The following SUPT3H variants were observed in gnomAD, a reference collection of about 807,000 sequenced individuals.
SUPT3H encodes the protein transcription initiation protein SPT3 homolog.
In SUPT3H, 44 loss-of-function variants were observed where a neutral mutation model predicts 44.3. That is an observed-to-expected ratio of 0.99 (90% CI 0.78 to 1.28). SUPT3H has a LOEUF of 1.28. SUPT3H is among the 50% of genes most tolerant of loss of function. SUPT3H has a pLI of 0.00. For missense variants in SUPT3H, 380 were observed against 387.1 expected, an observed-to-expected ratio of 0.98 and a Z score of 0.15; for synonymous variants, 124 against 125.6, an observed-to-expected ratio of 0.99 and a Z score of 0.09.
At chr6:45,124,883 T>C (rs969543993) in intron 2 of SUPT3H, among the ~76,000 whole-genome samples, 2 of 152,074 alleles carry the variant, frequency 1.3e-5, no homozygotes, top group South Asian at 2.1e-4. Flanking sequence ...TCTAGACGAA[T>C]AGGACTGGTA....
chr6:44,970,753 A>G (rs1232007512), intron 6 of SUPT3H, among the ~76,000 whole-genome samples: 3 of 152,210 alleles, frequency 2.0e-5, no homozygotes, highest in African/African-American at 4.8e-5. Flanking sequence ...ATATGGTTAA[A>G]TATTTTGGTC....
At chr6:44,878,955 C>T (rs146393553) in intron 10 of SUPT3H, among the ~76,000 whole-genome samples, 190 of 152,232 alleles carry the variant, frequency 1.2e-3, no homozygotes, top group African/African-American at 4.3e-3. Flanking sequence ...CCTTGGGTAC[C>T]TACATCACCA....
chr6:44,823,221 A>T (rs1296923100), downstream of SUPT3H, among the ~76,000 whole-genome samples: 1 of 152,192 alleles, frequency 6.6e-6, no homozygotes, highest in East Asian at 1.9e-4. Flanking sequence ...AGAAATTCTT[A>T]ATCTGGTGCA....
chr6:45,373,636 C>T (rs1050963834), intron 1 of SUPT3H, among the ~76,000 whole-genome samples: 6 of 152,028 alleles, frequency 3.9e-5, no homozygotes, highest in Admixed American at 1.3e-4. Context: ...CTGCAACCTC[C>T]GCCTCCCGGG....
chr6:45,280,720 ACTACAGAACTCCTAGTGGCTT>A (rs1223736797), intron 2 of SUPT3H, among the ~76,000 whole-genome samples: 43 of 152,336 alleles, frequency 2.8e-4, no homozygotes, highest in African/African-American at 9.6e-4. Context: ...GAGGAAACCA[ACTACAGAACTCCTAGTGGCTT>A]CACCTAGAGT....
chr6:44,870,850 C>A (rs1316025373), intron 10 of SUPT3H, among the ~76,000 whole-genome samples: 1 of 151,694 alleles, frequency 6.6e-6, no homozygotes, highest in Non-Finnish European at 1.5e-5. Context: ...CGCAAGGGGT[C>A]AGGGAGTTCC....
intron 2 of SUPT3H, among the ~76,000 whole-genome samples, chr6:45,262,952 C>A (rs910059354): frequency 1.3e-5 from 2 of 152,102 alleles, no homozygotes; most frequent in African/African-American, 4.8e-5. Context: ...CATCTCACAA[C>A]AGTCAGAATC....
intron 4 of SUPT3H, among the ~76,000 whole-genome samples, 152 bp downstream of exon 4, chr6:45,020,393 CA>C (rs1784953912): frequency 6.6e-6 from 1 of 151,920 alleles, no homozygotes; most frequent in South Asian, 2.1e-4. Flanking sequence ...CTTTTGTAAA[CA>C]CATTTTGTCG....
intron 2 of SUPT3H, among the ~76,000 whole-genome samples, chr6:45,128,557 TACACACAC>T (rs1173091186): frequency 0.032 from 1,787 of 56,630 alleles, 51 homozygotes; most frequent in African/African-American, 0.058. Context: ...TATATATATA[TACACACAC>T]ACACACACAC....
intron 10 of SUPT3H, among the ~76,000 whole-genome samples, chr6:44,891,006 C>A (rs1362503745): frequency 6.6e-6 from 1 of 151,932 alleles, no homozygotes; most frequent in East Asian, 1.9e-4. Context: ...GGAGGGGTAA[C>A]ATTAGGAGAA....
chr6:44,820,318 T>A (rs1767212580), intron 11 of SUPT3H, among the ~76,000 whole-genome samples: 2 of 152,266 alleles, frequency 1.3e-5, no homozygotes, highest in South Asian at 4.1e-4. Flanking sequence ...AATTTCTTAT[T>A]TTGTTGGAGA....
chr6:44,872,410 T>C (rs1162823764), intron 10 of SUPT3H, among the ~76,000 whole-genome samples: 2 of 124,386 alleles, frequency 1.6e-5, no homozygotes, highest in African/African-American at 3.0e-5. Flanking sequence ...ACTTCATAAG[T>C]GAAGGAGAAA....
intron 10 of SUPT3H, among the ~76,000 whole-genome samples, chr6:44,915,975 T>A (rs1767747901): frequency 6.6e-6 from 1 of 152,222 alleles, no homozygotes; most frequent in South Asian, 2.1e-4. Flanking sequence ...AATAAATCTT[T>A]TCAAATATTT....
intron 10 of SUPT3H, among the ~76,000 whole-genome samples, chr6:44,889,299 G>A (rs141098557): frequency 0.018 from 2,732 of 152,194 alleles, 41 homozygotes; most frequent in Non-Finnish European, 0.027. Context: ...AACAGAGCCC[G>A]CATCACCAAG....
chr6:45,015,003 A>C, intron 4 of SUPT3H, 112 bp from the exon 5 acceptor site: 1 of 530,448 alleles, frequency 1.9e-6, no homozygotes, highest in Non-Finnish European at 3.0e-6. Flanking sequence ...ATATCAGAGA[A>C]AGTAAAGTAA....
At position 45,003,797 on chromosome 6, in the gene SUPT3H, A is replaced by T; in HGVS notation, c.365-5T>A. The T allele has an allele frequency of 1.9e-6, 3 of 1,613,412 alleles. No homozygotes were observed. Among genetic ancestry groups the T allele is most frequent in the Non-Finnish European group, 2.5e-6 (3 of 1,179,684 alleles). ...TATTGCTGCCACTCAATTTGTCTTC[A>T]TGAAGTCAAGGGAAAGAAAAAAAGA... On this transcript the variant is annotated splice_region_variant and splice_polypyrimidine_tract_variant and intron_variant, in intron 5 of 10. Transcript: ENST00000371459.
chr6:45,103,881 A>C (rs545946621), intron 3 of SUPT3H, among the ~76,000 whole-genome samples: 17 of 152,216 alleles, frequency 1.1e-4, no homozygotes, highest in Non-Finnish European at 2.4e-4. Context: ...AATGAATAAC[A>C]GTTAACTTGT....
intron 2 of SUPT3H, among the ~76,000 whole-genome samples, chr6:45,291,565 A>AG (rs2149866722): frequency 6.6e-6 from 1 of 152,344 alleles, no homozygotes; most frequent in South Asian, 2.1e-4. Context: ...CACGAAGTGA[A>AG]GGAAGAAATA....
intron 3 of SUPT3H, among the ~76,000 whole-genome samples, chr6:45,102,722 C>T (rs975597594): frequency 1.3e-5 from 2 of 151,848 alleles, no homozygotes; most frequent in Non-Finnish European, 2.9e-5. Context: ...CGGGCAGATC[C>T]CTCAGGTCAG....
Sources: gnomAD v4.1 joint callset for allele counts (sites outside exome capture counted in the v4.1 genomes callset) on GRCh38, gnomAD v4.1.1 for gene constraint, MANE v1.5 for transcripts, NCBI Gene and HGNC (gene_info 2026-07-23, HGNC 2026-07-21) for gene names.